Variants in ZNF569 observed in about 807,000 individuals in gnomAD.
The protein encoded by ZNF569 is zinc finger protein 569, also known as DNA-binding protein.
In ZNF569, 38 loss-of-function variants were observed where a neutral mutation model predicts 56.3. The observed-to-expected ratio is 0.68, with a 90% CI of 0.52 to 0.88. The LOEUF is 0.88. Ranked by LOEUF, ZNF569 falls within the 40% of genes least tolerant of loss-of-function variation. ZNF569 has a pLI of 0.00. For missense variants in ZNF569, 666 were observed against 809.2 expected (o/e 0.82, Z 2.15); for synonymous variants, 241 against 262.9 (o/e 0.92, Z 0.81).
intron 3 of ZNF569, among the ~76,000 whole-genome samples, chr19:37,438,658 A>C (rs1269354934): frequency 6.6e-6 from 1 of 152,196 alleles, no homozygotes; most frequent in Non-Finnish European, 1.5e-5. Context: ...ACTAAAAGAA[A>C]ACAGAGGAAA....
intron 2 of ZNF569, among the ~76,000 whole-genome samples, chr19:37,446,076 C>A (rs897766274): frequency 6.6e-6 from 1 of 152,176 alleles, no homozygotes; most frequent in Non-Finnish European, 1.5e-5. Flanking sequence ...GTCACCAAAA[C>A]AGCATGGTAC....
At chr19:37,432,116 G>C (rs1481578088) in intron 3 of ZNF569, among the ~76,000 whole-genome samples, 1 of 152,202 alleles carries the variant, frequency 6.6e-6, no homozygotes. Flanking sequence ...ACTCTAAAGG[G>C]AAGGAAACAA....
intron 5 of ZNF569, among the ~76,000 whole-genome samples, chr19:37,416,537 C>T (rs942472087): frequency 6.6e-6 from 1 of 152,060 alleles, no homozygotes; most frequent in African/African-American, 2.4e-5. Context: ...TTTCTTATAA[C>T]TTATGTGTAT....
At position 37,413,565 on chromosome 19, in the gene ZNF569, G is replaced by A; in HGVS notation, c.1093C>T (p.Gln365Ter). ...ACATGTATAATAAGCATGGAAAACT[G>A]AGAGAAGGCTTTACCACATTTATCA... ...KCDKCGKAFS[Q>*]FSMLIIHVRI... The change falls in exon 6 of 6, where the codon CAG becomes TAG. Residue 365 changes from glutamine to a stop codon, truncating the protein, a stop_gained. Coordinates refer to ENST00000316950, the MANE Select transcript of ZNF569 (RefSeq NM_152484.3). LOFTEE classifies it high-confidence loss of function. 1 of 1,613,420 alleles carries A rather than the reference G, an allele frequency of 6.2e-7. No individual in the cohort carries two copies. Among genetic ancestry groups the A allele is most frequent in the African/African-American group, 1.3e-5 (1 of 74,974 alleles).
intron 5 of ZNF569, among the ~76,000 whole-genome samples, 177 bp from the exon 6 acceptor site, chr19:37,414,596 T>A (rs2040897511): frequency 6.6e-6 from 1 of 152,062 alleles, no homozygotes; most frequent in African/African-American, 2.4e-5. Context: ...GAGAAGGAAA[T>A]TCAGGAAAGG....
chr19:37,460,765 C>CA (rs113644505), intron 2 of ZNF569, among the ~76,000 whole-genome samples: 223 of 120,782 alleles, frequency 1.8e-3, no homozygotes, highest in Middle Eastern at 4.0e-3. Context: ...TACCCTGTCT[C>CA]AAAAAAAAAA....
chr19:37,455,038 T>A (rs1238449505), intron 2 of ZNF569: 2 of 544,910 alleles, frequency 3.7e-6, no homozygotes, highest in South Asian at 5.1e-5. Flanking sequence ...CTTGTTGTAA[T>A]GATTGAAGCA....
At chr19:37,455,018 T>C (rs1184950518) in intron 2 of ZNF569, 1 of 562,908 alleles carries the variant, frequency 1.8e-6, no homozygotes, top group Non-Finnish European at 3.1e-6. Context: ...CGGTAGAAGT[T>C]TGTAGTTTCC....
At chr19:37,417,929 G>A (rs933699900) in intron 5 of ZNF569, among the ~76,000 whole-genome samples, 2 of 151,606 alleles carry the variant, frequency 1.3e-5, no homozygotes, top group Admixed American at 6.6e-5. Context: ...AGTGCAACCC[G>A]GTCTCTACTA....
upstream of ZNF569, chr19:37,468,081 T>G (rs7257417): frequency 0.037 from 26,087 of 698,242 alleles, 1,957 homozygotes; most frequent in African/African-American, 0.25. Context: ...GTTTTTTTTT[T>G]TTTGTTTGTT....
chr19:37,457,235 T>G (rs1029558111), intron 2 of ZNF569, among the ~76,000 whole-genome samples: 1 of 152,180 alleles, frequency 6.6e-6, no homozygotes, highest in African/African-American at 2.4e-5. Flanking sequence ...ATATATTATC[T>G]CTATACTTCC....
At chr19:37,460,185 C>T (rs745413598) in intron 2 of ZNF569, among the ~76,000 whole-genome samples, 20 of 152,066 alleles carry the variant, frequency 1.3e-4, no homozygotes, top group Non-Finnish European at 2.4e-4. Context: ...ACTGGAGACT[C>T]CAGCCCAGGC....
chr19:37,414,425 A>C lies in ZNF569; in HGVS notation c.239-6T>G. The C allele has an allele frequency of 1.3e-6, 2 of 1,541,470 alleles. No homozygotes were observed. Among genetic ancestry groups the C allele is most frequent in the South Asian group, 1.3e-5 (1 of 78,198 alleles). ...ATCAACTCCCCATATTTCTCCTAAA[A>C]CAGATTGCAAATAAATATCACTTAC... On this transcript the variant is annotated splice_region_variant and splice_polypyrimidine_tract_variant and intron_variant, in intron 5 of 5. Transcript: ENST00000316950.
chr19:37,436,318 C>T (rs972000519), intron 3 of ZNF569, among the ~76,000 whole-genome samples: 2 of 151,784 alleles, frequency 1.3e-5, no homozygotes, highest in Non-Finnish European at 2.9e-5. Context: ...CACATCAAAG[C>T]CCATGGGATA....
chr19:37,426,620 A>G (rs1003726716), intron 3 of ZNF569, among the ~76,000 whole-genome samples: 1 of 152,236 alleles, frequency 6.6e-6, no homozygotes, highest in African/African-American at 2.4e-5. Flanking sequence ...ATAAAAATAA[A>G]ACTTTAACCA....
chr19:37,412,574 T>A lies in ZNF569; in HGVS notation c.*23A>T. 6.4e-7 allele frequency: 1 copy of A among 1,550,582 alleles called. No individual in the cohort carries two copies. The highest frequency in any genetic ancestry group is 8.7e-7 in the Non-Finnish European group (1 of 1,151,924). On this transcript the variant is annotated 3_prime_UTR_variant, in exon 6 of 6. Coordinates refer to ENST00000316950, the MANE Select transcript of ZNF569 (RefSeq NM_152484.3). Reference sequence around the variant, plus strand: ...TTAATTCCTTCAGATGGCCTTGCCATATTCACAATATTCATAGGGTTTCTA... The same window carrying A: ...TTAATTCCTTCAGATGGCCTTGCCAAATTCACAATATTCATAGGGTTTCTA...
At chr19:37,452,953 T>C (rs1227349765) in intron 2 of ZNF569, among the ~76,000 whole-genome samples, 1 of 152,228 alleles carries the variant, frequency 6.6e-6, no homozygotes, top group Non-Finnish European at 1.5e-5. Context: ...ATTAGTCTGC[T>C]TGATGGTATT....
At position 37,424,352 on chromosome 19, in the gene ZNF569, A is replaced by G. The variant is rs73631045; in HGVS notation, c.238+1516T>C. On this transcript the variant is annotated intron_variant, in intron 5 of 5. Transcript: ENST00000316950. ...CCCGAAGATGCTAATAATAGAATGAATATCAAAGTAAGCCTGGAAACTTAT... is the reference window on the plus strand; with the variant it reads ...CCCGAAGATGCTAATAATAGAATGAGTATCAAAGTAAGCCTGGAAACTTAT... Among the ~76,000 whole-genome samples the G allele has an allele frequency of 8.9e-3, 1,349 of 152,218 alleles. 20 individuals are homozygous for G. The highest frequency in any genetic ancestry group is 0.031 in the African/African-American group (1,274 of 41,542).
chr19:37,454,845 G>C, intron 2 of ZNF569: 1 of 702,392 alleles, frequency 1.4e-6, no homozygotes, highest in Non-Finnish European at 2.6e-6. Context: ...GGCTTATATG[G>C]TGTCTGGCAG....
Sources: gnomAD v4.1 joint callset for allele counts (sites outside exome capture counted in the v4.1 genomes callset) on GRCh38, gnomAD v4.1.1 for gene constraint, MANE v1.5 for transcripts, NCBI Gene and HGNC (gene_info 2026-07-23, HGNC 2026-07-21) for gene names.